Variants in MPP7 observed in about 807,000 individuals in gnomAD.
The protein encoded by MPP7 is MAGUK p55 subfamily member 7.
Under a neutral mutation model 76.5 loss-of-function variants are expected in MPP7, and 60 were observed. That is an observed-to-expected ratio of 0.78 (90% CI 0.64 to 0.97). The LOEUF is 0.97. Among genes scored for constraint, MPP7 ranks in the 50% least tolerant of loss-of-function variants. The probability of loss-of-function intolerance (pLI) is 0.00; values close to 1 mark genes in which losing one functional copy is unlikely to be tolerated. For synonymous variants in MPP7, 237 were observed against 244.5 expected, an observed-to-expected ratio of 0.97 and a Z score of 0.29; for missense variants, 641 against 694.0, an observed-to-expected ratio of 0.92 and a Z score of 0.86.
intron 5 of MPP7, among the ~76,000 whole-genome samples, chr10:28,138,790 T>C (rs2133713278): frequency 1.3e-5 from 2 of 152,358 alleles, no homozygotes; most frequent in South Asian, 4.1e-4. Context: ...AGTTTGAATG[T>C]CATATAAATG....
At chr10:28,215,449 A>C (rs893380801) in intron 2 of MPP7, among the ~76,000 whole-genome samples, 1 of 152,212 alleles carries the variant, frequency 6.6e-6, no homozygotes, top group Non-Finnish European at 1.5e-5. Context: ...AGCCCTATAC[A>C]AGAGGAGGTT....
chr10:28,292,565 C>T (rs542555038), intron 1 of MPP7, among the ~76,000 whole-genome samples: 1 of 152,180 alleles, frequency 6.6e-6, no homozygotes, highest in South Asian at 2.1e-4. Flanking sequence ...AATACAATTG[C>T]TAGACTCCAC....
At chr10:28,080,714 C>G (rs1386171837) in intron 12 of MPP7, among the ~76,000 whole-genome samples, 2 of 152,038 alleles carry the variant, frequency 1.3e-5, no homozygotes, top group East Asian at 3.9e-4. Context: ...TAAGATTGGC[C>G]AACGGCATAA....
At chr10:28,145,570 G>T (rs1413366499) in intron 5 of MPP7, among the ~76,000 whole-genome samples, 2 of 152,044 alleles carry the variant, frequency 1.3e-5, no homozygotes, top group African/African-American at 4.8e-5. Context: ...TCAAAGCAAT[G>T]GTAGATAATA....
At chr10:28,222,302 C>T (rs7086078) in intron 2 of MPP7, among the ~76,000 whole-genome samples, 40,026 of 151,388 alleles carry the variant, frequency 0.26, 5,834 homozygotes, top group East Asian at 0.35. Context: ...AGTTTGAGAC[C>T]AGCCTGGGTA....
intron 2 of MPP7, among the ~76,000 whole-genome samples, chr10:28,233,024 G>C (rs1030494104): frequency 1.3e-5 from 2 of 152,218 alleles, no homozygotes; most frequent in South Asian, 4.1e-4. Flanking sequence ...TGCAGGAAAG[G>C]AATGATTCCA....
At chr10:28,311,791 CTG>C (rs1433842256) in intron 2 of MPP7, among the ~76,000 whole-genome samples, 2 of 151,318 alleles carry the variant, frequency 1.3e-5, no homozygotes. Flanking sequence ...CACACAAACA[CTG>C]AGATTCTCAT....
chr10:28,302,799 G>A (rs1019343917), intron 1 of MPP7, among the ~76,000 whole-genome samples, 62 bp downstream of exon 1: 3 of 152,094 alleles, frequency 2.0e-5, no homozygotes, highest in Non-Finnish European at 4.4e-5. Context: ...TTCGGGGGCC[G>A]ACCCCACCGC....
chr10:28,324,868 G>C (rs1366729654), intron 2 of MPP7, among the ~76,000 whole-genome samples: 1 of 152,158 alleles, frequency 6.6e-6, no homozygotes, highest in Non-Finnish European at 1.5e-5. Context: ...AGTTGAAGAA[G>C]CTGAAGCATG....
chr10:28,206,049 C>T (rs569840192), intron 2 of MPP7, among the ~76,000 whole-genome samples: 1 of 152,146 alleles, frequency 6.6e-6, no homozygotes, highest in Non-Finnish European at 1.5e-5. Flanking sequence ...TCTTGGACTT[C>T]CCAGCCTCCA....
Position 28,310,020 on chromosome 10 carries a change from T to TTTTTAA in MPP7, c.-132+19908_-132+19909insTTAAAA, listed in dbSNP as rs57172078. The stretch of plus-strand genomic sequence containing the variant: ...ATTAAACCTTTTTTTTTTTTTTTTT[T>TTTTTAA]AAACGGAGTCTTGCTCTGTCACCCA... On this transcript the variant is annotated intron_variant, in intron 2 of 11. Coordinates refer to the MPP7 transcript ENST00000441595. Among the ~76,000 whole-genome samples the TTTTTAA allele has an allele frequency of 4.2e-5, 6 of 144,242 alleles. No homozygotes were observed. The East Asian group carries it at 8.3e-4, about 20-fold the overall frequency. 94.6% of individuals were successfully genotyped at this position (144,242 alleles called of 152,430 possible).
At chr10:28,121,472 C>T (rs190097216) in intron 8 of MPP7, among the ~76,000 whole-genome samples, 78 of 151,752 alleles carry the variant, frequency 5.1e-4, no homozygotes, top group African/African-American at 1.7e-3. Context: ...AAATATCCAA[C>T]GTAATAGATT....
intron 1 of MPP7, among the ~76,000 whole-genome samples, chr10:28,253,385 A>G (rs1000371061): frequency 6.6e-6 from 1 of 152,182 alleles, no homozygotes; most frequent in Non-Finnish European, 1.5e-5. Flanking sequence ...AGTGAGCCCG[A>G]CAAATGTAAA....
chr10:28,083,532 C>CTTTTTTT (rs5784040), intron 12 of MPP7, among the ~76,000 whole-genome samples: 1 of 81,730 alleles, frequency 1.2e-5, no homozygotes, highest in African/African-American at 4.3e-5. Flanking sequence ...TTTTCTTCCT[C>CTTTTTTT]TTTTTTTTTT....
chr10:28,213,731 G>A (rs1231483077), intron 2 of MPP7, among the ~76,000 whole-genome samples: 2 of 150,298 alleles, frequency 1.3e-5, no homozygotes, highest in African/African-American at 4.9e-5. Flanking sequence ...GGTGGAGGCT[G>A]CAGTGAGCCC....
intron 3 of MPP7, among the ~76,000 whole-genome samples, chr10:28,165,842 T>C (rs1242812492): frequency 1.3e-5 from 2 of 152,024 alleles, no homozygotes; most frequent in African/African-American, 2.4e-5. Context: ...CTGGCCAACA[T>C]GGTGAAACCC....
chr10:28,258,407 A>T (rs1237502439), intron 1 of MPP7, among the ~76,000 whole-genome samples: 3 of 131,576 alleles, frequency 2.3e-5, no homozygotes, highest in South Asian at 2.5e-4. Flanking sequence ...TATATATATA[A>T]ATTTTTTTTT....
intron 1 of MPP7, among the ~76,000 whole-genome samples, chr10:28,259,163 C>G (rs545424227): frequency 1.1e-4 from 16 of 152,288 alleles, no homozygotes; most frequent in African/African-American, 3.8e-4. Flanking sequence ...AGTTCTCACA[C>G]TTTTGATCAT....
intron 3 of MPP7, among the ~76,000 whole-genome samples, chr10:28,194,118 G>A (rs1009847000): frequency 3.3e-5 from 5 of 152,184 alleles, no homozygotes; most frequent in African/African-American, 7.2e-5. Flanking sequence ...GGATTCAAGC[G>A]ATTCTTCTGC....
Sources: allele counts gnomAD v4.1 joint callset (sites outside exome capture counted in the v4.1 genomes callset), GRCh38; gene constraint gnomAD v4.1.1; transcripts MANE v1.5; gene names NCBI Gene and HGNC (gene_info 2026-07-23, HGNC 2026-07-21).